HERC3: variants seen among roughly 807,000 people sequenced by gnomAD.
HERC3 encodes the protein HECT and RLD domain containing E3 ubiquitin protein ligase 3.
Under a neutral mutation model 129.9 loss-of-function variants are expected in HERC3, and 58 were observed. That is an observed-to-expected ratio of 0.45 (90% CI 0.36 to 0.56). The LOEUF (loss-of-function observed/expected upper bound fraction) is 0.56, where lower values mean the gene tolerates loss of function less well. Among genes scored for constraint, HERC3 ranks in the 20% least tolerant of loss-of-function variants. The pLI, the probability that HERC3 is intolerant of heterozygous loss-of-function variation, is 0.00. For synonymous variants in HERC3, 430 were observed against 451.0 expected (o/e 0.95, Z 0.59); for missense variants, 835 against 1,244.2 (o/e 0.67, Z 4.95).
chr4:88,662,386 A>G, intron 10 of HERC3, 45 bp from the exon 11 acceptor site: 2 of 1,562,514 alleles, frequency 1.3e-6, no homozygotes, highest in East Asian at 2.2e-5. Context: ...GACAAGATCC[A>G]TGCTACATAA....
rs191140361 is a variant in HERC3 at position 88,642,910 on chromosome 4, C to T, written c.227-6930C>T. 1.4e-3 allele frequency among the ~76,000 whole-genome samples: 114 copies of T among 79,700 alleles called. 6 individuals are homozygous for T. The highest frequency in any genetic ancestry group is 6.5e-4 in the East Asian group (2 of 3,088). The allele number at this position is 79,700 out of a possible 152,430, so 52.3% of individuals were successfully genotyped here. Reference sequence around the variant, plus strand: ...CAGTGTAATAAGGAAAGAATGGGGGCGGGGGGTGTGTGGGTGGCAGGGGGA... The same window carrying T: ...CAGTGTAATAAGGAAAGAATGGGGGTGGGGGGTGTGTGGGTGGCAGGGGGA... On this transcript the variant is annotated intron_variant, in intron 3 of 25. Transcript: ENST00000402738.
intron 16 of HERC3, among the ~76,000 whole-genome samples, chr4:88,671,957 T>G (rs1731662000): frequency 6.6e-6 from 1 of 152,228 alleles, no homozygotes; most frequent in South Asian, 2.1e-4. Flanking sequence ...AGCCCTTCTG[T>G]TTTATCAATT....
intron 3 of HERC3, among the ~76,000 whole-genome samples, chr4:88,620,563 C>A (rs1725404638): frequency 6.6e-6 from 1 of 152,174 alleles, no homozygotes; most frequent in Non-Finnish European, 1.5e-5. Flanking sequence ...TCTTCTACCC[C>A]TCTTCCTGCC....
chr4:88,649,535 C>T (rs540994211), intron 3 of HERC3, among the ~76,000 whole-genome samples: 1 of 152,202 alleles, frequency 6.6e-6, no homozygotes, highest in East Asian at 1.9e-4. Flanking sequence ...CCAAATAGTA[C>T]AGGCTTCTCC....
At chr4:88,635,555 T>C (rs1727285439) in intron 3 of HERC3, among the ~76,000 whole-genome samples, 1 of 151,840 alleles carries the variant, frequency 6.6e-6, no homozygotes, top group South Asian at 2.1e-4. Context: ...ACAGGGAGAA[T>C]GGAACCAAGT....
At chr4:88,577,582 T>G in the HERC3 span, among the ~76,000 whole-genome samples, 1 of 144,916 alleles carries the variant, frequency 6.9e-6, no homozygotes, top group Non-Finnish European at 1.5e-5. Context: ...TCTTATACTA[T>G]GTATATATGT....
At position 88,669,949 on chromosome 4, in the gene HERC3, A is replaced by C. The variant is rs1023684060; in HGVS notation, c.1723A>C (p.Lys575Gln). The change falls in exon 15 of 26, where the codon AAG becomes CAG. Residue 575 changes from lysine to glutamine, a missense_variant. Lys to Gln is a moderately conservative substitution (Grantham distance 53). Coordinates refer to ENST00000402738, the MANE Select transcript of HERC3 (RefSeq NM_014606.3). The part of the protein sequence containing the change: ...GAVLYLLRGR[K>Q]TFLIPVLFNN... ...AGTCCTTTATCTACTGAGGGGAAGA[A>C]AGACATTCTTAATTCCCGTACTGTT... 5 of 1,613,760 alleles carry C rather than the reference A, an allele frequency of 3.1e-6. No individual in the cohort carries two copies. In the African/African-American group the frequency reaches 6.7e-5, roughly 22 times the overall value.
intron 10 of HERC3, among the ~76,000 whole-genome samples, chr4:88,659,287 G>A (rs1730239359): frequency 6.6e-6 from 1 of 152,222 alleles, no homozygotes; most frequent in Non-Finnish European, 1.5e-5. Flanking sequence ...TGGGCTGTTA[G>A]TGAAGAAAAA....
chr4:88,681,121 G>A (rs1200205123), intron 20 of HERC3, 38 bp from the exon 21 acceptor site: 3 of 1,544,646 alleles, frequency 1.9e-6, no homozygotes, highest in Non-Finnish European at 2.6e-6. Flanking sequence ...CAGAAACATT[G>A]CATTTCTTTT....
chr4:88,639,335 C>A (rs1236376724), intron 3 of HERC3, among the ~76,000 whole-genome samples: 1 of 152,168 alleles, frequency 6.6e-6, no homozygotes, highest in Admixed American at 6.5e-5. Flanking sequence ...TACCTGATTT[C>A]AAACTATCCT....
In HERC3 at chr4:88,592,541, C is replaced by G. The variant is rs1721795431; in HGVS notation, c.-121C>G. 6.6e-6 allele frequency: 1 copy of G among 152,308 alleles called. No homozygotes were observed. The highest frequency in any genetic ancestry group is 1.5e-5 in the Non-Finnish European group (1 of 68,130). 9.4% of individuals were successfully genotyped at this position (152,308 alleles called of 1,614,324 possible). On this transcript the variant is annotated 5_prime_UTR_variant, in exon 1 of 26. Coordinates refer to ENST00000402738, the MANE Select transcript of HERC3 (RefSeq NM_014606.3). ...GTCCGGCGAGAGGGGCTGTGACAGT[C>G]GGAGTCCCAAGCTGCGGTTCGGCTG...
intron 23 of HERC3, among the ~76,000 whole-genome samples, chr4:88,695,024 C>A (rs369898017): frequency 6.6e-6 from 1 of 152,060 alleles, no homozygotes. Flanking sequence ...GTGTTTCAAT[C>A]GTTTTTGCTT....
chr4:88,662,441 C>T lies in HERC3; in HGVS notation c.1157C>T (p.Pro386Leu). Residue 386 changes from proline (P) to leucine (L), a missense_variant, in exon 11 of 26, where the codon CCT becomes CTT. Physicochemically the swap from Pro to Leu is moderately conservative, Grantham distance 98. Coordinates refer to ENST00000402738, the MANE Select transcript of HERC3 (RefSeq NM_014606.3). ...CATTTAATTCTCCAGAATTATTCTC[C>T]TGCTGTTGACTTCAGGACTATGAAC... ...VLCSKYENYS[P>L]AVDFRTMNQA... is the part of the protein sequence containing the mutation. The T allele has an allele frequency of 3.1e-6, 5 of 1,608,262 alleles. No individual in the cohort carries two copies. The highest frequency in any genetic ancestry group is 4.2e-6 in the Non-Finnish European group (5 of 1,178,222).
the HERC3 span, among the ~76,000 whole-genome samples, chr4:88,570,330 T>C: frequency 6.6e-6 from 1 of 152,208 alleles, no homozygotes; most frequent in Non-Finnish European, 1.5e-5. Context: ...GAGAGAAGTG[T>C]TCATGAACTT....
rs141678158 is a variant in HERC3, at chr4:88,603,184, A to G, written c.-29-2611A>G. Among the ~76,000 whole-genome samples, 1,176 of 150,238 alleles carry G rather than the reference A, an allele frequency of 7.8e-3. 5 individuals carry two copies. The highest frequency in any genetic ancestry group is 0.012 in the Non-Finnish European group (829 of 67,664). On this transcript the variant is annotated intron_variant, in intron 2 of 25. Transcript: ENST00000402738. ...CAGGTTCCAAACTTGCAGCCATATT[A>G]CAGGCTTCAATCGCTTTCTCTTTTT...
chr4:88,538,822 C>T, the HERC3 span, among the ~76,000 whole-genome samples: 6 of 152,078 alleles, frequency 3.9e-5, no homozygotes, highest in Non-Finnish European at 8.8e-5. Context: ...GGATTACAGG[C>T]GTGAGCCACC....
the HERC3 span, among the ~76,000 whole-genome samples, chr4:88,562,877 C>T: frequency 2.6e-5 from 4 of 152,016 alleles, no homozygotes; most frequent in African/African-American, 4.8e-5. Context: ...TTTTTATGCC[C>T]GTCCCAGGCT....
chr4:88,614,663 G>C (rs914288510), intron 3 of HERC3, among the ~76,000 whole-genome samples: 4 of 151,990 alleles, frequency 2.6e-5, no homozygotes, highest in Non-Finnish European at 5.9e-5. Flanking sequence ...CATATTTCAG[G>C]CTGATGTATT....
chr4:88,690,236 T>C, intron 23 of HERC3: 1 of 978,092 alleles, frequency 1.0e-6, no homozygotes, highest in Non-Finnish European at 1.2e-6. Flanking sequence ...CTTCAGGATG[T>C]TTATTTCCTT....
Sources: allele counts gnomAD v4.1 joint callset (sites outside exome capture counted in the v4.1 genomes callset), GRCh38; gene constraint gnomAD v4.1.1; transcripts MANE v1.5; gene names NCBI Gene and HGNC (gene_info 2026-07-23, HGNC 2026-07-21).